BANK1: variants seen among roughly 807,000 people sequenced by gnomAD.
BANK1 encodes the protein B cell scaffold protein with ankyrin repeats 1.
Under a neutral mutation model 94.5 loss-of-function variants are expected in BANK1, and 95 were observed. The observed-to-expected ratio is 1.00, with a 90% CI of 0.85 to 1.19. The LOEUF (loss-of-function observed/expected upper bound fraction) is 1.19. Ranked by LOEUF, BANK1 falls within the 50% of genes most tolerant of loss-of-function variation. BANK1 has a pLI of 0.00. For missense variants in BANK1, 987 were observed against 932.2 expected, an observed-to-expected ratio of 1.06 and a Z score of -0.77; for synonymous variants, 334 against 308.4, an observed-to-expected ratio of 1.08 and a Z score of -0.87.
intron 5 of BANK1, among the ~76,000 whole-genome samples, chr4:101,872,664 C>A (rs1033002974): frequency 5.9e-5 from 9 of 152,078 alleles, no homozygotes; most frequent in Non-Finnish European, 1.3e-4. Flanking sequence ...CTGTATTTGC[C>A]TTTGCTCCCA....
At chr4:101,803,993 G>A (rs1411107027) in intron 1 of BANK1, among the ~76,000 whole-genome samples, 9 of 44,966 alleles carry the variant, frequency 2.0e-4, no homozygotes, top group Admixed American at 1.7e-3. Context: ...GCGAGACTCC[G>A]TCTCAAAAAA....
intron 1 of BANK1, among the ~76,000 whole-genome samples, chr4:101,813,522 T>C (rs1271521379): frequency 2.0e-5 from 3 of 152,234 alleles, no homozygotes; most frequent in Non-Finnish European, 4.4e-5. Flanking sequence ...AGTTACTTGA[T>C]AATCCTTTCC....
chr4:101,882,814 T>A (rs1196877235), intron 5 of BANK1, among the ~76,000 whole-genome samples: 2 of 151,206 alleles, frequency 1.3e-5, no homozygotes, highest in African/African-American at 4.9e-5. Context: ...TTCTGGAAGA[T>A]CGACTTACAA....
At chr4:101,857,194 G>A (rs188068209) in intron 3 of BANK1, among the ~76,000 whole-genome samples, 1 of 152,294 alleles carries the variant, frequency 6.6e-6, no homozygotes, top group Non-Finnish European at 1.5e-5. Flanking sequence ...GATAGTTGAG[G>A]CTTCCCTATC....
chr4:101,793,990 A>G (rs760331770), intron 1 of BANK1, among the ~76,000 whole-genome samples: 5 of 152,106 alleles, frequency 3.3e-5, no homozygotes, highest in Non-Finnish European at 5.9e-5. Context: ...CTCGTATCAA[A>G]AAAAATAGGA....
intron 11 of BANK1, among the ~76,000 whole-genome samples, chr4:102,058,843 A>G (rs566004375): frequency 6.6e-6 from 1 of 152,050 alleles, no homozygotes; most frequent in East Asian, 1.9e-4. Flanking sequence ...AATAAAGAAG[A>G]AAGAAAGAAA....
chr4:101,893,167 A>G (rs1459103504), intron 5 of BANK1, among the ~76,000 whole-genome samples: 1 of 151,846 alleles, frequency 6.6e-6, no homozygotes, highest in Non-Finnish European at 1.5e-5. Context: ...TTGCTACTTT[A>G]TTTTTAAAAT....
intron 2 of BANK1, among the ~76,000 whole-genome samples, chr4:101,839,660 A>G (rs1726957433): frequency 2.6e-5 from 4 of 152,114 alleles, no homozygotes; most frequent in Admixed American, 2.6e-4. Context: ...ATGCTCTATC[A>G]TCCCTTCAAT....
Position 101,862,601 on chromosome 4 carries a change from A to G in BANK1, c.700A>G (p.Asn234Asp). Residue 234 changes from asparagine (N) to aspartate (D), a missense_variant, in exon 4 of 17, where the codon AAT (asparagine) becomes GAT (aspartate). Coordinates refer to ENST00000322953, the MANE Select transcript of BANK1 (RefSeq NM_017935.5). ...DTVEVEFTSSNKRIRTRPALW... is the reference protein window; with the variant it reads ...DTVEVEFTSSDKRIRTRPALW... ...TGTAGAGGTTGAATTTACATCAAGT[A>G]ATAAGCGCATTAGAACACGGCCAGC... The G allele has an allele frequency of 6.2e-7, 1 of 1,611,916 alleles. No homozygotes were observed. Among genetic ancestry groups the G allele is most frequent in the Non-Finnish European group, 8.5e-7 (1 of 1,178,842 alleles).
intron 6 of BANK1, among the ~76,000 whole-genome samples, chr4:101,907,456 T>TG (rs1444569405): frequency 6.6e-6 from 1 of 152,208 alleles, no homozygotes. Context: ...TCATACTGAA[T>TG]GGGGAAAAAC....
chr4:101,931,847 G>C (rs530917634), intron 7 of BANK1, among the ~76,000 whole-genome samples: 10 of 151,542 alleles, frequency 6.6e-5, no homozygotes, highest in African/African-American at 2.4e-4. Flanking sequence ...TGGAGATGAA[G>C]TGAGAGATAT....
intron 9 of BANK1, among the ~76,000 whole-genome samples, chr4:102,027,802 T>C (rs1172567310): frequency 1.3e-5 from 2 of 152,192 alleles, no homozygotes; most frequent in Non-Finnish European, 2.9e-5. Flanking sequence ...AAAGAACCCA[T>C]GGTTTCTTTT....
chr4:101,872,006 G>GA (rs1284710429), intron 5 of BANK1, among the ~76,000 whole-genome samples: 1 of 152,082 alleles, frequency 6.6e-6, no homozygotes, highest in Non-Finnish European at 1.5e-5. Context: ...TAGATAAGTA[G>GA]AAAAATGCTG....
At chr4:102,012,448 T>C (rs1397881082) in intron 7 of BANK1, among the ~76,000 whole-genome samples, 1 of 152,158 alleles carries the variant, frequency 6.6e-6, no homozygotes, top group African/African-American at 2.4e-5. Flanking sequence ...ATTCCAGCCA[T>C]ATGAACACCT....
At chr4:101,820,870 T>G (rs1351213439) in intron 1 of BANK1, among the ~76,000 whole-genome samples, 2 of 152,182 alleles carry the variant, frequency 1.3e-5, no homozygotes, top group African/African-American at 4.8e-5. Context: ...ATCCAATCTG[T>G]CATTGATGGG....
chr4:102,033,177 G>A (rs1727388405), intron 10 of BANK1, among the ~76,000 whole-genome samples: 1 of 152,180 alleles, frequency 6.6e-6, no homozygotes, highest in Non-Finnish European at 1.5e-5. Flanking sequence ...AATTTAACTT[G>A]TTCTCCCTGT....
intron 6 of BANK1, among the ~76,000 whole-genome samples, chr4:101,915,529 C>G (rs548969320): frequency 1.3e-5 from 2 of 152,062 alleles, no homozygotes; most frequent in Admixed American, 1.3e-4. Flanking sequence ...TATGAAGTTT[C>G]TTGAGACAAT....
At chr4:101,815,508 A>G (rs2148856424) in intron 1 of BANK1, among the ~76,000 whole-genome samples, 2 of 152,250 alleles carry the variant, frequency 1.3e-5, no homozygotes, top group South Asian at 4.1e-4. Flanking sequence ...TTCAAGAAAT[A>G]ATTTTCACTT....
chr4:102,034,730 T>A (rs1247482600), intron 10 of BANK1, among the ~76,000 whole-genome samples: 1 of 152,150 alleles, frequency 6.6e-6, no homozygotes, highest in Non-Finnish European at 1.5e-5. Flanking sequence ...TAGTTGGCAT[T>A]GATAACTTCA....
Sources: gnomAD v4.1 joint callset for allele counts (sites outside exome capture counted in the v4.1 genomes callset) on GRCh38, gnomAD v4.1.1 for gene constraint, MANE v1.5 for transcripts, NCBI Gene and HGNC (gene_info 2026-07-23, HGNC 2026-07-21) for gene names.